The following SKAP1 variants were observed in gnomAD, a reference collection of about 807,000 sequenced individuals.
SKAP1 encodes src kinase-associated phosphoprotein 1.
SKAP1 carries 44 observed loss-of-function variants against 58.5 expected under a neutral mutation model. The ratio of observed to expected loss-of-function variants is 0.75; its 90% confidence interval spans 0.59 to 0.97. SKAP1 has a LOEUF of 0.97. Among genes scored for constraint, SKAP1 ranks in the 50% least tolerant of loss-of-function variants. The pLI, the probability that SKAP1 is intolerant of heterozygous loss-of-function variation, is 0.00. For missense variants in SKAP1, 390 were observed against 435.2 expected, an observed-to-expected ratio of 0.90 and a Z score of 0.92; for synonymous variants, 127 against 149.7, an observed-to-expected ratio of 0.85 and a Z score of 1.11.
At chr17:48,370,298 G>A (rs1178121376) in intron 2 of SKAP1, among the ~76,000 whole-genome samples, 2 of 151,856 alleles carry the variant, frequency 1.3e-5, no homozygotes, top group African/African-American at 4.8e-5. Flanking sequence ...CAATCAGAAT[G>A]GCTATCATTA....
intron 4 of SKAP1, chr17:48,193,792 C>A (rs973053845): frequency 2.2e-6 from 2 of 898,282 alleles, no homozygotes; most frequent in Non-Finnish European, 1.3e-6. Flanking sequence ...ACGAACAGAT[C>A]TGCAGAGAAC....
chr17:48,376,492 G>A (rs1209459309), intron 2 of SKAP1, among the ~76,000 whole-genome samples: 2 of 152,148 alleles, frequency 1.3e-5, no homozygotes, highest in African/African-American at 2.4e-5. Flanking sequence ...GAAAAACTCG[G>A]CTATCATGCC....
chr17:48,150,508 GCT>G (rs752711581), intron 11 of SKAP1, among the ~76,000 whole-genome samples: 3 of 152,180 alleles, frequency 2.0e-5, no homozygotes, highest in Non-Finnish European at 4.4e-5. Context: ...GTTTATAGAT[GCT>G]CTGTTTGTGT....
intron 1 of SKAP1, among the ~76,000 whole-genome samples, chr17:48,427,609 C>T (rs373771017): frequency 2.7e-5 from 3 of 109,842 alleles, no homozygotes; most frequent in Admixed American, 2.1e-4. Context: ...TTTCACAATG[C>T]TTTACATATT....
intron 11 of SKAP1, among the ~76,000 whole-genome samples, chr17:48,156,680 A>G (rs924225099): frequency 1.3e-5 from 2 of 152,264 alleles, no homozygotes; most frequent in Non-Finnish European, 2.9e-5. Flanking sequence ...ATGACACTGC[A>G]TGGGGCCAAG....
At chr17:48,142,620 AAG>A (rs2063782467) in intron 11 of SKAP1, among the ~76,000 whole-genome samples, 1 of 152,226 alleles carries the variant, frequency 6.6e-6, no homozygotes, top group Non-Finnish European at 1.5e-5. Flanking sequence ...TTGTGGCAGA[AAG>A]AGATCAACTA....
Position 48,413,524 on chromosome 17 carries a change from AT to A in SKAP1, c.46+16550del, listed in dbSNP as rs774068146. Among the ~76,000 whole-genome samples, 82 of 117,296 alleles carry A rather than the reference AT, an allele frequency of 7.0e-4. 8 individuals carry two copies. The highest frequency in any genetic ancestry group is 1.7e-3 in the South Asian group (7 of 4,096). 77.0% of individuals were successfully genotyped at this position (117,296 alleles called of 152,430 possible). ...AGCAAAACTCCGTCTCAAAAAAAAA[AT>A]ATATATATATATATATATTTGCTCT... On this transcript the variant is annotated intron_variant, in intron 1 of 12. Transcript: ENST00000336915.
chr17:48,431,835 A>G (rs2067919348), upstream of SKAP1, among the ~76,000 whole-genome samples: 1 of 152,198 alleles, frequency 6.6e-6, no homozygotes, highest in South Asian at 2.1e-4. Flanking sequence ...GGGAATAATG[A>G]TGGACTCAAT....
intron 1 of SKAP1, among the ~76,000 whole-genome samples, chr17:48,426,888 G>A (rs1280592258): frequency 6.6e-6 from 1 of 151,398 alleles, no homozygotes; most frequent in Non-Finnish European, 1.5e-5. Flanking sequence ...ATACCCCTCA[G>A]GGCTAAAAAG....
chr17:48,322,113 C>T (rs2066375079), intron 4 of SKAP1, among the ~76,000 whole-genome samples: 1 of 152,190 alleles, frequency 6.6e-6, no homozygotes, highest in African/African-American at 2.4e-5. Flanking sequence ...ACTTCAAAGC[C>T]TACTACCAAC....
At chr17:48,285,417 C>A (rs11658153) in intron 4 of SKAP1, among the ~76,000 whole-genome samples, 1 of 152,124 alleles carries the variant, frequency 6.6e-6, no homozygotes, top group Non-Finnish European at 1.5e-5. Context: ...GAGTTGGAGA[C>A]CAGCCTGACC....
intron 4 of SKAP1, among the ~76,000 whole-genome samples, chr17:48,207,905 G>A (rs561512110): frequency 6.6e-6 from 1 of 152,320 alleles, no homozygotes. Context: ...GTGCCAGAGA[G>A]CACAGAATTC....
At chr17:48,218,323 C>T (rs577964250) in intron 4 of SKAP1, among the ~76,000 whole-genome samples, 41 of 152,306 alleles carry the variant, frequency 2.7e-4, no homozygotes, top group African/African-American at 9.9e-4. Context: ...CCAACCAACC[C>T]TTCTCATCCA....
chr17:48,389,117 C>T (rs979515060), intron 2 of SKAP1, among the ~76,000 whole-genome samples: 3 of 152,156 alleles, frequency 2.0e-5, no homozygotes, highest in African/African-American at 4.8e-5. Flanking sequence ...AGAAGCTGGA[C>T]GATTTAAGAA....
intron 11 of SKAP1, among the ~76,000 whole-genome samples, chr17:48,145,333 C>G (rs2063816650): frequency 6.6e-6 from 1 of 151,740 alleles, no homozygotes; most frequent in South Asian, 2.1e-4. Context: ...GAAATAGACG[C>G]AGCGCTCACC....
At chr17:48,150,818 G>A (rs372984045) in intron 11 of SKAP1, among the ~76,000 whole-genome samples, 1 of 152,162 alleles carries the variant, frequency 6.6e-6, no homozygotes, top group Non-Finnish European at 1.5e-5. Context: ...AAGATTATGT[G>A]GGAACAGGCA....
intron 4 of SKAP1, among the ~76,000 whole-genome samples, chr17:48,252,025 A>G (rs2065369979): frequency 6.6e-6 from 1 of 152,212 alleles, no homozygotes; most frequent in African/African-American, 2.4e-5. Context: ...CTGGAAAAAA[A>G]TAACTGCACA....
rs1232979109 is a variant in SKAP1 at position 48,197,088 on chromosome 17, C to T, written c.281-7588G>A. ...CGTGGCCAGCATGGTGAAACCCTGTCTTTACTAAAAATACAAAAAATTAGC... is the reference window on the plus strand; with the variant it reads ...CGTGGCCAGCATGGTGAAACCCTGTTTTTACTAAAAATACAAAAAATTAGC... On this transcript the variant is annotated intron_variant, in intron 4 of 12. Transcript: ENST00000336915. 2.0e-5 allele frequency among the ~76,000 whole-genome samples: 3 copies of T among 152,032 alleles called. No homozygotes were observed. In the East Asian group the frequency reaches 5.8e-4, roughly 29 times the overall value.
chr17:48,321,879 C>CA (rs767178592), intron 4 of SKAP1, among the ~76,000 whole-genome samples: 130 of 152,246 alleles, frequency 8.5e-4, no homozygotes, highest in Non-Finnish European at 1.5e-3. Context: ...TCACAGCTGC[C>CA]TATCACCTTC....
Sources: allele counts gnomAD v4.1 joint callset (sites outside exome capture counted in the v4.1 genomes callset), GRCh38; gene constraint gnomAD v4.1.1; transcripts MANE v1.5; gene names NCBI Gene and HGNC (gene_info 2026-07-23, HGNC 2026-07-21).